Variants in NCKAP5 observed in about 807,000 individuals in gnomAD.
The protein encoded by NCKAP5 is nck-associated protein 5.
A neutral mutation model predicts 167.0 loss-of-function variants in NCKAP5; 92 were observed. That is an observed-to-expected ratio of 0.55 (90% confidence interval 0.47 to 0.66). NCKAP5 has a LOEUF of 0.66. NCKAP5 is among the 30% of genes least tolerant of loss of function. NCKAP5 has a pLI of 0.00. For synonymous variants in NCKAP5, 891 were observed against 877.4 expected (o/e 1.02, Z -0.27); for missense variants, 2,378 against 2,315.0 (o/e 1.03, Z -0.56).
chr2:132,767,278 C>T (rs1214660907), intron 16 of NCKAP5, among the ~76,000 whole-genome samples: 1 of 151,922 alleles, frequency 6.6e-6, no homozygotes, highest in South Asian at 2.1e-4. Context: ...CAGAGCTTTG[C>T]TCTTGTTGCC....
Position 133,080,102 on chromosome 2 carries a change from T to C in NCKAP5, c.341+49876A>G, listed in dbSNP as rs114544130. On this transcript the variant is annotated intron_variant, in intron 6 of 19. Transcript: ENST00000409261. ...TACTTTCCAGAAGAGAACTGATACA[T>C]ACAAGACCATACATATATGATATGT... Among the ~76,000 whole-genome samples the C allele has an allele frequency of 4.5e-3, 684 of 152,228 alleles. 12 individuals carry two copies. The highest frequency in any genetic ancestry group is 0.016 in the African/African-American group (667 of 41,556).
At chr2:132,892,892 C>T (rs1374744) in intron 8 of NCKAP5, among the ~76,000 whole-genome samples, 77,286 of 150,910 alleles carry the variant, frequency 0.51, 20,111 homozygotes, top group East Asian at 0.67. Flanking sequence ...TAAATACCAG[C>T]GTGTTTGAAC....
intron 3 of NCKAP5, among the ~76,000 whole-genome samples, chr2:133,475,140 C>T (rs898943018): frequency 6.6e-6 from 1 of 152,184 alleles, no homozygotes; most frequent in Non-Finnish European, 1.5e-5. Context: ...AAAGTCTCCA[C>T]ATTCTTAGAT....
At chr2:133,369,726 A>C (rs568265529) in intron 3 of NCKAP5, among the ~76,000 whole-genome samples, 5 of 152,364 alleles carry the variant, frequency 3.3e-5, no homozygotes, top group African/African-American at 1.2e-4. Context: ...TCAAGTAAGA[A>C]CATGATTTTA....
chr2:133,009,615 T>C (rs922493620), intron 6 of NCKAP5, among the ~76,000 whole-genome samples: 4 of 152,178 alleles, frequency 2.6e-5, no homozygotes, highest in Admixed American at 6.5e-5. Flanking sequence ...GATAATCATC[T>C]GTTGAATGCC....
intron 4 of NCKAP5, among the ~76,000 whole-genome samples, chr2:133,223,095 T>C (rs2086723217): frequency 6.8e-6 from 1 of 147,246 alleles, no homozygotes; most frequent in Admixed American, 6.8e-5. Context: ...AAACTCCCAA[T>C]ATAAACCTAT....
chr2:133,517,967 G>A (rs576795578), intron 2 of NCKAP5, among the ~76,000 whole-genome samples: 120 of 152,232 alleles, frequency 7.9e-4, no homozygotes, highest in Non-Finnish European at 1.3e-3. Flanking sequence ...AGATCAAACC[G>A]ACAAAACCAC....
chr2:132,912,974 C>T (rs1277324358), intron 8 of NCKAP5, among the ~76,000 whole-genome samples: 1 of 152,112 alleles, frequency 6.6e-6, no homozygotes, highest in Non-Finnish European at 1.5e-5. Context: ...CCCTACAGAA[C>T]ATTAGAAAGC....
intron 3 of NCKAP5, among the ~76,000 whole-genome samples, chr2:133,479,952 G>A: frequency 7.1e-6 from 1 of 139,928 alleles, no homozygotes; most frequent in Admixed American, 7.2e-5. Flanking sequence ...TTTTTTTTGA[G>A]ACAGAGTCCC....
At chr2:133,515,346 A>G (rs893602711) in intron 3 of NCKAP5, among the ~76,000 whole-genome samples, 17 of 152,196 alleles carry the variant, frequency 1.1e-4, no homozygotes, top group African/African-American at 4.1e-4. Flanking sequence ...GTTGAAAAGC[A>G]TTTAAGCACC....
At chr2:133,268,995 C>T (rs1458478033) in intron 4 of NCKAP5, 1 of 152,054 alleles carries the variant, frequency 6.6e-6, no homozygotes, top group African/African-American at 2.4e-5. Flanking sequence ...AGAGTTGAGC[C>T]GAGTGTCAAC....
intron 4 of NCKAP5, among the ~76,000 whole-genome samples, chr2:133,275,676 C>T (rs554508951): frequency 4.0e-4 from 60 of 151,718 alleles, no homozygotes; most frequent in African/African-American, 1.2e-3. Flanking sequence ...GTCCTATGCA[C>T]GTGTATCAAT....
Position 132,972,848 on chromosome 2 carries a change from T to G in NCKAP5, c.430-8979A>C, listed in dbSNP as rs1396167543. Among the ~76,000 whole-genome samples the G allele has an allele frequency of 9.6e-4, 140 of 146,406 alleles. 1 individual carries two copies. The highest frequency in any genetic ancestry group is 3.3e-3 in the African/African-American group (131 of 39,316). ...ACTACACTCCAGCCTAGCAACACAG[T>G]GAGACTCCATCTCCAAAAAAAAAAA... is the stretch of plus-strand genomic sequence containing the variant. On this transcript the variant is annotated intron_variant, in intron 7 of 19. Transcript: ENST00000409261.
chr2:132,805,192 T>A (rs1685336956), intron 11 of NCKAP5, among the ~76,000 whole-genome samples: 1 of 152,232 alleles, frequency 6.6e-6, no homozygotes, highest in African/African-American at 2.4e-5. Context: ...GTTATCCTTT[T>A]AAATCCTCAT....
intron 4 of NCKAP5, among the ~76,000 whole-genome samples, chr2:133,248,616 T>C (rs2088132646): frequency 6.6e-6 from 1 of 152,240 alleles, no homozygotes. Context: ...CCATTTGAAC[T>C]TTCCTAGGTC....
At chr2:133,323,095 T>G (rs1218694255) in intron 3 of NCKAP5, among the ~76,000 whole-genome samples, 2 of 152,208 alleles carry the variant, frequency 1.3e-5, no homozygotes, top group African/African-American at 4.8e-5. Context: ...ATTCAACAAA[T>G]GGACACTTGT....
intron 5 of NCKAP5, among the ~76,000 whole-genome samples, chr2:133,141,904 G>A (rs1277196381): frequency 6.6e-6 from 1 of 152,062 alleles, no homozygotes; most frequent in Non-Finnish European, 1.5e-5. Context: ...ATTTTATCAT[G>A]CTGCTAAAAG....
At chr2:133,036,365 A>G (rs1573821925) in intron 6 of NCKAP5, among the ~76,000 whole-genome samples, 1 of 151,986 alleles carries the variant, frequency 6.6e-6, no homozygotes, top group African/African-American at 2.4e-5. Context: ...AGAAACACAC[A>G]TCAAAAAAGA....
At chr2:132,986,862 G>A (rs1023628512) in intron 7 of NCKAP5, among the ~76,000 whole-genome samples, 1 of 152,156 alleles carries the variant, frequency 6.6e-6, no homozygotes. Context: ...ACCCTAGGGT[G>A]TAAGAGGAAT....
Sources: gnomAD v4.1 joint callset for allele counts (sites outside exome capture counted in the v4.1 genomes callset) on GRCh38, gnomAD v4.1.1 for gene constraint, MANE v1.5 for transcripts, NCBI Gene and HGNC (gene_info 2026-07-23, HGNC 2026-07-21) for gene names.